The following MICU1 variants were observed in gnomAD, a reference collection of about 807,000 sequenced individuals.
MICU1 encodes calcium uptake protein 1, mitochondrial.
A neutral mutation model predicts 56.8 loss-of-function variants in MICU1; 45 were observed. The observed-to-expected ratio is 0.79, with a 90% CI of 0.62 to 1.02. MICU1 has a LOEUF of 1.02. Among genes scored for constraint, MICU1 ranks in the 50% least tolerant of loss-of-function variants. The pLI, the probability that MICU1 is intolerant of heterozygous loss-of-function variation, is 0.00. For synonymous variants in MICU1, 186 were observed against 195.1 expected (o/e 0.95, Z 0.39); for missense variants, 504 against 587.1 (o/e 0.86, Z 1.46).
intron 1 of MICU1, among the ~76,000 whole-genome samples, chr10:72,572,556 T>G (rs1057152618): frequency 3.3e-5 from 5 of 151,664 alleles, no homozygotes; most frequent in Admixed American, 2.6e-4. Context: ...TACAGAAAAA[T>G]AAATGATGCT....
chr10:72,625,815 A>G (rs942829056), intron 1 of MICU1, among the ~76,000 whole-genome samples, 195 bp downstream of exon 1: 3 of 152,152 alleles, frequency 2.0e-5, no homozygotes, highest in Non-Finnish European at 2.9e-5. Context: ...AAGCAAGACT[A>G]CGGACTCCTC....
intron 2 of MICU1, among the ~76,000 whole-genome samples, chr10:72,563,601 A>G (rs1840352081): frequency 6.6e-6 from 1 of 152,188 alleles, no homozygotes; most frequent in African/African-American, 2.4e-5. Flanking sequence ...TTGCTCTTGA[A>G]TAAGTAGAGT....
intron 8 of MICU1, among the ~76,000 whole-genome samples, chr10:72,472,538 A>G (rs1865982962): frequency 6.6e-6 from 1 of 152,168 alleles, no homozygotes; most frequent in Non-Finnish European, 1.5e-5. Flanking sequence ...AAGTTAGAAT[A>G]GGGAAGCTGT....
At chr10:72,422,078 T>C (rs1235852373) in intron 9 of MICU1, among the ~76,000 whole-genome samples, 2 of 152,056 alleles carry the variant, frequency 1.3e-5, no homozygotes, top group Non-Finnish European at 2.9e-5. Context: ...CCCTAACCCC[T>C]ACTGTGCCCA....
chr10:72,520,913 C>T (rs1161174129), intron 5 of MICU1, among the ~76,000 whole-genome samples: 2 of 152,210 alleles, frequency 1.3e-5, no homozygotes, highest in African/African-American at 4.8e-5. Flanking sequence ...GTTATTTCTG[C>T]ATACTAGCTT....
intron 6 of MICU1, among the ~76,000 whole-genome samples, chr10:72,491,149 C>A (rs1223170066): frequency 6.6e-6 from 1 of 152,210 alleles, no homozygotes; most frequent in Non-Finnish European, 1.5e-5. Context: ...ATGCTTAATG[C>A]TTTAAACAGT....
chr10:72,567,719 A>G lies in MICU1; in HGVS notation c.-1-925T>C, dbSNP rs145336000. 2.6e-5 allele frequency among the ~76,000 whole-genome samples: 4 copies of G among 152,268 alleles called. No individual in the cohort carries two copies. In the East Asian group the frequency reaches 5.8e-4, roughly 22 times the overall value. On this transcript the variant is annotated intron_variant, in intron 1 of 11. Coordinates refer to ENST00000361114, the MANE Select transcript of MICU1 (RefSeq NM_001195518.2). ...GAAATTGCATATGAGAGTTGCTGCT[A>G]AAACTCCTTAGGAGCTGGGTGCCAT...
chr10:72,395,543 A>C (rs1406354846), intron 10 of MICU1, among the ~76,000 whole-genome samples: 1 of 152,172 alleles, frequency 6.6e-6, no homozygotes, highest in East Asian at 1.9e-4. Context: ...GGAAGCCATG[A>C]CAGACTACCT....
chr10:72,442,905 G>T (rs1864984799), intron 8 of MICU1, among the ~76,000 whole-genome samples: 1 of 151,974 alleles, frequency 6.6e-6, no homozygotes, highest in African/African-American at 2.4e-5. Flanking sequence ...TACAGGCACG[G>T]GCTATCATAC....
chr10:72,552,777 C>T (rs965171881), intron 3 of MICU1, among the ~76,000 whole-genome samples: 87 of 152,304 alleles, frequency 5.7e-4, no homozygotes, highest in African/African-American at 2.0e-3. Context: ...TGGTCTCGAA[C>T]GCCTGACCTC....
At chr10:72,553,341 C>T (rs1840083624) in intron 3 of MICU1, among the ~76,000 whole-genome samples, 1 of 151,214 alleles carries the variant, frequency 6.6e-6, no homozygotes, top group Non-Finnish European at 1.5e-5. Flanking sequence ...TCACGCCATT[C>T]TCCTGCCTCA....
chr10:72,531,889 T>A (rs907073841), intron 5 of MICU1, among the ~76,000 whole-genome samples: 3 of 151,822 alleles, frequency 2.0e-5, no homozygotes, highest in African/African-American at 7.3e-5. Context: ...TTTTATTTTT[T>A]TTTTTTTTAG....
intron 4 of MICU1, among the ~76,000 whole-genome samples, chr10:72,536,949 A>C (rs1465799123): frequency 6.6e-6 from 1 of 152,218 alleles, no homozygotes; most frequent in African/African-American, 2.4e-5. Context: ...AGAATAACTC[A>C]AAATGTAACT....
At chr10:72,525,508 C>G (rs1867937003) in intron 5 of MICU1, among the ~76,000 whole-genome samples, 2 of 152,086 alleles carry the variant, frequency 1.3e-5, no homozygotes, top group African/African-American at 4.8e-5. Context: ...AAACTGGGGG[C>G]CTCTCTTTAG....
At chr10:72,536,432 C>A (rs1271323828) in intron 4 of MICU1, among the ~76,000 whole-genome samples, 1 of 151,990 alleles carries the variant, frequency 6.6e-6, no homozygotes, top group East Asian at 1.9e-4. Context: ...CTGCAACCTC[C>A]ACCTCCTGGG....
chr10:72,457,694 G>C (rs1321865873), intron 8 of MICU1, among the ~76,000 whole-genome samples: 1 of 151,992 alleles, frequency 6.6e-6, no homozygotes, highest in African/African-American at 2.4e-5. Context: ...GGGTGGGAGG[G>C]AGAGGGAGAG....
At chr10:72,414,296 A>G (rs1383643533) in intron 9 of MICU1, among the ~76,000 whole-genome samples, 3 of 152,276 alleles carry the variant, frequency 2.0e-5, no homozygotes, top group Non-Finnish European at 4.4e-5. Context: ...AGAAAATAAT[A>G]AACTATTAAT....
chr10:72,516,847 T>C (rs1867661394), intron 5 of MICU1, among the ~76,000 whole-genome samples: 1 of 152,220 alleles, frequency 6.6e-6, no homozygotes. Context: ...GTCTACATTG[T>C]TCTTCCATGC....
rs34210330 is a variant in MICU1, at chr10:72,386,557, A to ATTTTT, written c.1181-10690_1181-10686dup. ...ACTCATCCCTCATCCCCCGCCACCTATTTTTTTTTTTTTTTTTTTTGATAC... is the reference window on the plus strand; with the variant it reads ...ACTCATCCCTCATCCCCCGCCACCTATTTTTTTTTTTTTTTTTTTTTTTTTGATAC... On this transcript the variant is annotated intron_variant, in intron 10 of 11. Coordinates refer to ENST00000361114, the MANE Select transcript of MICU1 (RefSeq NM_001195518.2). 1.1e-3 allele frequency among the ~76,000 whole-genome samples: 133 copies of ATTTTT among 120,176 alleles called. 1 individual carries two copies. The highest frequency in any genetic ancestry group is 2.0e-3 in the Non-Finnish European group (118 of 60,002). 78.8% of individuals were successfully genotyped at this position (120,176 alleles called of 152,430 possible). A position where few individuals can be genotyped will look rare whatever the true frequency, so the allele number is the denominator to read the frequency against.
Sources: gnomAD v4.1 joint callset for allele counts (sites outside exome capture counted in the v4.1 genomes callset) on GRCh38, gnomAD v4.1.1 for gene constraint, MANE v1.5 for transcripts, NCBI Gene and HGNC (gene_info 2026-07-23, HGNC 2026-07-21) for gene names.